POLR2F: variants seen among roughly 807,000 people sequenced by gnomAD.
POLR2F encodes DNA-directed RNA polymerases I, II, and III subunit RPABC2.
A neutral mutation model predicts 22.7 loss-of-function variants in POLR2F; 12 were observed. The observed-to-expected ratio is 0.53, with a 90% CI of 0.34 to 0.86. POLR2F has a LOEUF of 0.86. POLR2F is among the 40% of genes least tolerant of loss of function. POLR2F has a pLI of 0.02. For missense variants in POLR2F, 126 were observed against 171.5 expected (o/e 0.73, Z 1.48); for synonymous variants, 57 against 66.0 (o/e 0.86, Z 0.66).
At chr22:37,957,992 GTTGT>G (rs1931468433) in intron 2 of POLR2F, among the ~76,000 whole-genome samples, 1 of 152,040 alleles carries the variant, frequency 6.6e-6, no homozygotes, top group Non-Finnish European at 1.5e-5. Flanking sequence ...TGTTGTTGTT[GTTGT>G]TTGTTTGCTT....
intron 1 of POLR2F, among the ~76,000 whole-genome samples, chr22:38,019,883 G>A (rs1335426205): frequency 2.0e-5 from 3 of 152,098 alleles, no homozygotes; most frequent in Non-Finnish European, 2.9e-5. Context: ...GCTTGGTGGC[G>A]CATGCCTGTA....
intron 2 of POLR2F, among the ~76,000 whole-genome samples, chr22:37,957,704 A>G (rs549631156): frequency 6.6e-6 from 1 of 151,974 alleles, no homozygotes; most frequent in East Asian, 1.9e-4. Flanking sequence ...GATGTACTTC[A>G]GCCCTGTCTG....
In POLR2F at chr22:38,008,739, T is replaced by C. The variant is rs1264351474; in HGVS notation, c.121-17130T>C. Among the ~76,000 whole-genome samples, 3 of 150,512 alleles carry C rather than the reference T, an allele frequency of 2.0e-5. No individual in the cohort carries two copies. The East Asian group carries it at 5.9e-4, about 30-fold the overall frequency. ...AAATTAGCCAGGCTTGCGCCTGTAA[T>C]CCCAGCTACTAGGGAGGTTGAGGTG... is the stretch of plus-strand genomic sequence containing the variant. On this transcript the variant is annotated intron_variant, in intron 1 of 2. Coordinates refer to the POLR2F transcript ENST00000333418.
At chr22:37,970,967 T>G (rs1932033273), downstream of POLR2F, 1 of 280,466 alleles carries the variant, frequency 3.6e-6, no homozygotes, top group Non-Finnish European at 7.1e-6. Flanking sequence ...ACCAGCAGTT[T>G]TGGGGAGGTT....
In POLR2F at chr22:37,962,863, T is replaced by C. The variant is rs1051919565; in HGVS notation, c.221+3387T>C. On this transcript the variant is annotated intron_variant, in intron 3 of 4. Transcript: ENST00000442738. ...CTGCCACCACGCCCGGCTAATTTTT[T>C]GTAGTTTTAGTAGAGATGGTGTTTC... is the stretch of plus-strand genomic sequence containing the variant. Among the ~76,000 whole-genome samples the C allele has an allele frequency of 6.7e-5, 10 of 148,668 alleles. No individual in the cohort carries two copies. The Admixed American group carries it at 6.7e-4, about 10-fold the overall frequency.
intron 5 of POLR2F, among the ~76,000 whole-genome samples, chr22:38,040,072 G>A (rs796203657): frequency 6.6e-5 from 10 of 152,068 alleles, no homozygotes; most frequent in African/African-American, 2.2e-4. Flanking sequence ...CCAAGGAGTT[G>A]GAGACCAGCT....
downstream of POLR2F, among the ~76,000 whole-genome samples, chr22:37,971,603 G>A (rs559518985): frequency 6.6e-6 from 1 of 152,216 alleles, no homozygotes; most frequent in East Asian, 1.9e-4. Context: ...TCTGGACTTG[G>A]ACATGGGCAC....
chr22:38,039,610 C>G (rs1426394386), intron 5 of POLR2F, among the ~76,000 whole-genome samples: 1 of 152,164 alleles, frequency 6.6e-6, no homozygotes, highest in Non-Finnish European at 1.5e-5. Context: ...GCAGGTTGTA[C>G]GCAGCTGCTC....
downstream of POLR2F, among the ~76,000 whole-genome samples, chr22:38,031,249 T>G (rs1410208557): frequency 1.3e-5 from 2 of 152,050 alleles, no homozygotes; most frequent in African/African-American, 4.8e-5. This position sits in a 1 kb window ranked among gnomAD's most constrained non-coding sequence, Gnocchi z 4.1. Context: ...ATCTGTAAAA[T>G]GCGGACAGTA....
chr22:38,014,538 G>A (rs189955971), intron 1 of POLR2F, among the ~76,000 whole-genome samples: 51 of 145,736 alleles, frequency 3.5e-4, no homozygotes, highest in African/African-American at 8.9e-4. Flanking sequence ...TTTTTGAGAC[G>A]GAGACTCAGT....
chr22:38,032,642 G>T (rs921254068), intron 5 of POLR2F: 1 of 152,314 alleles, frequency 6.6e-6, no homozygotes, highest in Non-Finnish European at 1.5e-5. Context: ...CCTGATTGGG[G>T]ACATGGATGG....
chr22:37,971,967 G>A (rs2145757731), downstream of POLR2F, among the ~76,000 whole-genome samples: 1 of 151,692 alleles, frequency 6.6e-6, no homozygotes, highest in Non-Finnish European at 1.5e-5. Flanking sequence ...AGCTCAGATG[G>A]ACCCCACTGG....
At chr22:37,991,504 CA>C (rs1377096016) in intron 1 of POLR2F, among the ~76,000 whole-genome samples, 2 of 152,192 alleles carry the variant, frequency 1.3e-5, no homozygotes, top group Non-Finnish European at 2.9e-5. Flanking sequence ...CTAAATTCTG[CA>C]GTTAAAAACT....
intron 4 of POLR2F, 172 bp from the exon 5 acceptor site, chr22:37,967,453 A>G: frequency 1.4e-6 from 2 of 1,436,024 alleles, no homozygotes; most frequent in Non-Finnish European, 1.8e-6. Context: ...CTCTTGTCTG[A>G]TATAAAAACT....
At position 37,967,150 on chromosome 22, in the gene POLR2F, C is replaced by T. The variant is rs780576402; in HGVS notation, c.273C>T (p.Leu91=). The change falls in exon 4 of 5, where the codon CTC becomes CTT. Residue 91 remains leucine, a synonymous_variant. Coordinates refer to ENST00000442738, the MANE Select transcript of POLR2F (RefSeq NM_021974.5). ...VELEGETDPL[L]IAMKELKARK... The stretch of plus-strand genomic sequence containing the variant: ...TGGAGGGGGAGACAGATCCTCTGCT[C>T]ATTGCCATGAAGGAACTCAAGTAAG... 1.9e-6 allele frequency: 3 copies of T among 1,613,484 alleles called. No individual in the cohort carries two copies. Among genetic ancestry groups the T allele is most frequent in the South Asian group, 1.1e-5 (1 of 91,024 alleles).
rs117220674 is a variant in POLR2F, at chr22:37,989,976, C to T, written c.120+3664C>T. Among the ~76,000 whole-genome samples, 944 of 152,308 alleles carry T rather than the reference C, an allele frequency of 6.2e-3. 3 individuals are homozygous for T. Among genetic ancestry groups the T allele is most frequent in the Non-Finnish European group, 0.01 (712 of 68,022 alleles). On this transcript the variant is annotated intron_variant, in intron 1 of 2. Coordinates refer to the POLR2F transcript ENST00000333418. ...GGCACCTTGGTTGGAATTCTTTTCC[C>T]TATGACTTTCCCTCAGAGGAGGAGA...
At chr22:38,008,520 A>G (rs1269738696) in intron 1 of POLR2F, among the ~76,000 whole-genome samples, 7 of 140,204 alleles carry the variant, frequency 5.0e-5, no homozygotes, top group Admixed American at 7.0e-5. Context: ...ACTCCAGCCT[A>G]GGTGACAGAG....
intron 1 of POLR2F, chr22:37,987,121 G>A (rs989202922): frequency 1.5e-5 from 7 of 456,622 alleles, no homozygotes; most frequent in Non-Finnish European, 2.2e-5. Context: ...AAGGTGTGGT[G>A]TCTGGTAGGC....
intron 4 of POLR2F, 66 bp from the exon 5 acceptor site, chr22:37,967,559 T>C: frequency 6.3e-7 from 1 of 1,593,732 alleles, no homozygotes; most frequent in Non-Finnish European, 8.5e-7. Context: ...GCACACAATC[T>C]GTTCCTTCTG....
Sources: gnomAD v4.1 joint callset for allele counts (sites outside exome capture counted in the v4.1 genomes callset) on GRCh38, gnomAD v4.1.1 for gene constraint, Gnocchi (gnomAD v3.1) non-coding constraint, MANE v1.5 for transcripts, NCBI Gene and HGNC (gene_info 2026-07-23, HGNC 2026-07-21) for gene names.